The following SLC5A1 variants were observed in gnomAD, a reference collection of about 807,000 sequenced individuals.
The protein encoded by SLC5A1 is solute carrier family 5 member 1, also known as sodium/glucose cotransporter 1.
A neutral mutation model predicts 73.5 loss-of-function variants in SLC5A1; 42 were observed. The observed-to-expected ratio is 0.57, with a 90% CI of 0.45 to 0.74. The LOEUF is 0.74. SLC5A1 is among the 30% of genes least tolerant of loss of function. SLC5A1 has a pLI of 0.00. For synonymous variants in SLC5A1, 300 were observed against 317.4 expected, an observed-to-expected ratio of 0.95 and a Z score of 0.58; for missense variants, 634 against 855.4, an observed-to-expected ratio of 0.74 and a Z score of 3.23.
chr22:32,055,907 C>G (rs945735906), intron 2 of SLC5A1, among the ~76,000 whole-genome samples: 4 of 152,338 alleles, frequency 2.6e-5, no homozygotes, highest in Non-Finnish European at 1.5e-5. Context: ...GGTACCCAGA[C>G]CAGCAGCATC....
chr22:32,067,031 G>C lies in SLC5A1; in HGVS notation c.304G>C (p.Glu102Gln), dbSNP rs2093974537. 1 of 1,611,944 alleles carries C rather than the reference G, an allele frequency of 6.2e-7. No homozygotes were observed. The highest frequency in any genetic ancestry group is 1.1e-5 in the South Asian group (1 of 91,002). ...AASGIAIGGF[E>Q]WNALVLVVVL... ...TTCAGGCATCGCCATTGGAGGCTTT[G>C]AATGGAATGTGAGTAACACTGCAGC... The change falls in exon 3 of 15, where the codon GAA (glutamate) becomes CAA (glutamine). Residue 102 changes from glutamate to glutamine, a missense_variant. By Grantham distance (29) the Glu-to-Gln change is conservative. Around this residue, in one of 3 missense-constraint regions of SLC5A1, gnomAD observed 422 missense variants for 626.1 expected, o/e 0.67. Transcript: ENST00000266088.
chr22:32,095,102 A>G (rs1179899863), intron 11 of SLC5A1, among the ~76,000 whole-genome samples: 4 of 152,174 alleles, frequency 2.6e-5, no homozygotes, highest in Non-Finnish European at 4.4e-5. Context: ...TGTTGACCCA[A>G]TGATCATTCA....
chr22:32,098,768 C>A (rs2094030471), intron 11 of SLC5A1, among the ~76,000 whole-genome samples: 1 of 151,986 alleles, frequency 6.6e-6, no homozygotes, highest in Non-Finnish European at 1.5e-5. Context: ...TGTATGTATG[C>A]ATATGTATAA....
chr22:32,081,801 A>G (rs2094000269), intron 5 of SLC5A1, 65 bp from the exon 6 acceptor site: 1 of 946,776 alleles, frequency 1.1e-6, no homozygotes, highest in South Asian at 1.3e-5. Context: ...AGGAGTAGAG[A>G]GACTACAGGC....
chr22:32,068,622 G>T (rs2093978051), intron 5 of SLC5A1, 22 bp downstream of exon 5: 2 of 1,522,682 alleles, frequency 1.3e-6, no homozygotes, highest in Non-Finnish European at 1.8e-6. Context: ...GCCCCAGAGG[G>T]CTGGGCTGTC....
intron 2 of SLC5A1, among the ~76,000 whole-genome samples, chr22:32,054,659 G>A (rs901637033): frequency 6.6e-6 from 1 of 151,808 alleles, no homozygotes; most frequent in Non-Finnish European, 1.5e-5. Flanking sequence ...GTGGGGTACA[G>A]ATGGTATATT....
At position 32,110,024 on chromosome 22, in the gene SLC5A1, C is replaced by T; in HGVS notation, c.1806C>T (p.Phe602=). The T allele has an allele frequency of 6.2e-7, 1 of 1,614,060 alleles. No homozygotes were observed. Among genetic ancestry groups the T allele is most frequent in the Non-Finnish European group, 8.5e-7 (1 of 1,179,954 alleles). ...TQVPEKKKGI[F]RRAYDLFCGL... ...TTCCTGAGAAGAAAAAAGGAATCTT[C>T]AGGAGAGCCTATGACCTATTTTGTG... is the stretch of plus-strand genomic sequence containing the variant. The change falls in exon 15 of 15, where the codon TTC becomes TTT. Residue 602 remains phenylalanine, a synonymous_variant. Coordinates refer to ENST00000266088, the MANE Select transcript of SLC5A1 (RefSeq NM_000343.4).
chr22:32,059,225 T>C (rs145589097), intron 2 of SLC5A1: 1 of 985,356 alleles, frequency 1.0e-6, no homozygotes, highest in Non-Finnish European at 1.2e-6. Flanking sequence ...AAAAAGACTC[T>C]GTCCCAAAAG....
At chr22:32,045,467 T>C (rs927867058) in intron 1 of SLC5A1, among the ~76,000 whole-genome samples, 1 of 152,216 alleles carries the variant, frequency 6.6e-6, no homozygotes, top group Admixed American at 6.5e-5. Flanking sequence ...TCCTCCTCTG[T>C]CTGCTATTAA....
chr22:32,056,675 C>T lies in SLC5A1; in HGVS notation c.207+6661C>T, dbSNP rs557473246. Among the ~76,000 whole-genome samples, 19 of 152,156 alleles carry T rather than the reference C, an allele frequency of 1.2e-4. No individual in the cohort carries two copies. The East Asian group carries it at 1.7e-3, about 14-fold the overall frequency. The stretch of plus-strand genomic sequence containing the variant: ...ATGGAGAAGACGCCCTGGGATCTCC[C>T]GATATCCCTTAAAGAGAAGGACAAA... On this transcript the variant is annotated intron_variant, in intron 2 of 14. Coordinates refer to ENST00000266088, the MANE Select transcript of SLC5A1 (RefSeq NM_000343.4).
intron 11 of SLC5A1, among the ~76,000 whole-genome samples, chr22:32,094,230 G>A (rs1462905183): frequency 6.6e-6 from 1 of 152,292 alleles, no homozygotes; most frequent in African/African-American, 2.4e-5. Context: ...TATGTTTTGA[G>A]ATTCAGTTAG....
Position 32,110,282 on chromosome 22 carries a change from G to A in SLC5A1, c.*69G>A, listed in dbSNP as rs1417935036. The stretch of plus-strand genomic sequence containing the variant: ...CACCTTCCTTTAGTCTCGTCCTGTG[G>A]TGTTGAAGGGAAATCAGCCAGTTGT... On this transcript the variant is annotated 3_prime_UTR_variant, in exon 15 of 15. Transcript: ENST00000266088. 8.0e-7 allele frequency: 1 copy of A among 1,247,198 alleles called. No individual in the cohort carries two copies. Among genetic ancestry groups the A allele is most frequent in the Non-Finnish European group, 1.2e-6 (1 of 851,036 alleles). 77.3% of individuals were successfully genotyped at this position (1,247,198 alleles called of 1,614,324 possible).
At chr22:32,108,208 G>A (rs533646223) in intron 14 of SLC5A1, among the ~76,000 whole-genome samples, 8 of 151,676 alleles carry the variant, frequency 5.3e-5, no homozygotes, top group African/African-American at 9.7e-5. Flanking sequence ...CCGGGTTCAC[G>A]CCATTCTCCT....
At chr22:32,107,611 A>C (rs2094048639) in intron 14 of SLC5A1, among the ~76,000 whole-genome samples, 1 of 152,144 alleles carries the variant, frequency 6.6e-6, no homozygotes, top group Non-Finnish European at 1.5e-5. Flanking sequence ...AAGAGTTTCT[A>C]ATTGAGTTGG....
At position 32,112,786 on chromosome 22, in the gene SLC5A1, G is replaced by A. The variant is rs2094059685; in HGVS notation, c.*2573G>A. 1 of 152,074 alleles carries A rather than the reference G, an allele frequency of 6.6e-6. No homozygotes were observed. The highest frequency in any genetic ancestry group is 1.5e-5 in the Non-Finnish European group (1 of 68,024). 9.4% of individuals were successfully genotyped at this position (152,074 alleles called of 1,614,324 possible). A position where few individuals can be genotyped will look rare whatever the true frequency, so the allele number is the denominator to read the frequency against. On this transcript the variant is annotated 3_prime_UTR_variant, in exon 15 of 15. Coordinates refer to ENST00000266088, the MANE Select transcript of SLC5A1 (RefSeq NM_000343.4). ...AATGATACAAAGGTTTAGTTAGGTGGAATAAGTTCAGAAAATCAATTGTAC... is the reference window on the plus strand; with the variant it reads ...AATGATACAAAGGTTTAGTTAGGTGAAATAAGTTCAGAAAATCAATTGTAC...
chr22:32,102,256 G>C lies in SLC5A1; in HGVS notation c.1665+19G>C, dbSNP rs1289164759. The stretch of plus-strand genomic sequence containing the variant: ...TGTGCATGTGAGTATCCATTTAGGG[G>C]ATCTGTCCTTGTTTCATGTTCACAC... On this transcript the variant is annotated intron_variant, in intron 13 of 14. Coordinates refer to ENST00000266088, the MANE Select transcript of SLC5A1 (RefSeq NM_000343.4). 1 of 1,573,474 alleles carries C rather than the reference G, an allele frequency of 6.4e-7. No homozygotes were observed. The highest frequency in any genetic ancestry group is 8.7e-7 in the Non-Finnish European group (1 of 1,143,584).
chr22:32,046,220 G>A (rs1297299187), intron 1 of SLC5A1, among the ~76,000 whole-genome samples: 2 of 152,102 alleles, frequency 1.3e-5, no homozygotes, highest in African/African-American at 4.8e-5. Flanking sequence ...CAAGAATCAA[G>A]GTCTTATGAT....
intron 13 of SLC5A1, among the ~76,000 whole-genome samples, chr22:32,104,231 T>G (rs1342791450): frequency 6.6e-6 from 1 of 152,242 alleles, no homozygotes; most frequent in African/African-American, 2.4e-5. Context: ...CTCAAGTCTT[T>G]GAAAGTATTA....
chr22:32,104,720 C>T, intron 13 of SLC5A1, 66 bp from the exon 14 acceptor site: 1 of 1,263,422 alleles, frequency 7.9e-7, no homozygotes, highest in Non-Finnish European at 1.2e-6. Context: ...TCTCTTTGCC[C>T]CCCCAACTTC....
Sources: allele counts gnomAD v4.1 joint callset (sites outside exome capture counted in the v4.1 genomes callset), GRCh38; gene constraint gnomAD v4.1.1; regional missense constraint gnomAD v4.1.1; transcripts MANE v1.5; gene names NCBI Gene and HGNC (gene_info 2026-07-23, HGNC 2026-07-21).